DLC1: variants seen among roughly 807,000 people sequenced by gnomAD.
The protein encoded by DLC1 is rho GTPase-activating protein 7.
Under a neutral mutation model 140.3 loss-of-function variants are expected in DLC1, and 54 were observed. The observed-to-expected ratio is 0.38, with a 90% CI of 0.31 to 0.48. DLC1 has a LOEUF of 0.48. Ranked by LOEUF, DLC1 falls within the 20% of genes least tolerant of loss-of-function variation. DLC1 has a pLI of 0.96. For missense variants in DLC1, 2,536 were observed against 1,907.0 expected (o/e 1.33, Z -6.14); for synonymous variants, 986 against 728.1 (o/e 1.35, Z -5.70).
At chr8:13,160,875 C>T (rs1164180012) in intron 5 of DLC1, among the ~76,000 whole-genome samples, 1 of 152,160 alleles carries the variant, frequency 6.6e-6, no homozygotes, top group Non-Finnish European at 1.5e-5. Flanking sequence ...CACGAGGTCT[C>T]AGGAGATTGA....
At chr8:13,558,570 T>G (rs1372765533) in intron 1 of DLC1, 1 of 152,232 alleles carries the variant, frequency 6.6e-6, no homozygotes, top group African/African-American at 2.4e-5. Flanking sequence ...TCACTATGTA[T>G]TGTTCTTTAG....
At chr8:13,252,787 C>T (rs1182056663) in intron 5 of DLC1, among the ~76,000 whole-genome samples, 5 of 152,146 alleles carry the variant, frequency 3.3e-5, no homozygotes, top group African/African-American at 9.7e-5. Context: ...TTCCATTACA[C>T]GTGCCCTCTT....
intron 5 of DLC1, among the ~76,000 whole-genome samples, chr8:13,158,231 T>A (rs1048631419): frequency 2.6e-5 from 4 of 152,242 alleles, no homozygotes; most frequent in African/African-American, 9.6e-5. Context: ...TAATTGTGTG[T>A]CTGACTTTTG....
chr8:13,289,729 T>A (rs1009895452), intron 5 of DLC1, among the ~76,000 whole-genome samples: 2 of 152,226 alleles, frequency 1.3e-5, no homozygotes, highest in Non-Finnish European at 2.9e-5. Flanking sequence ...TATACAACGC[T>A]AGAGAATTTT....
chr8:13,532,403 C>G (rs1803128875), intron 1 of DLC1, among the ~76,000 whole-genome samples: 1 of 152,206 alleles, frequency 6.6e-6, no homozygotes, highest in African/African-American at 2.4e-5. Flanking sequence ...AGAATAAGAA[C>G]ATGAATGGCA....
At position 13,499,407 on chromosome 8, in the gene DLC1, T is replaced by A; in HGVS notation, c.665A>T (p.Glu222Val). Reference sequence around the variant, plus strand: ...TACAGCAGAGTTAAGCAATTGTTTCTCAGGTGCAATATCTTTCACGTTCAA... The same window carrying A: ...TACAGCAGAGTTAAGCAATTGTTTCACAGGTGCAATATCTTTCACGTTCAA... ...DTLNVKDIAPEKQLLNSAVIA... is the reference protein window; with the variant it reads ...DTLNVKDIAPVKQLLNSAVIA... Residue 222 changes from glutamate to valine, a missense_variant, in exon 2 of 18, where the codon GAG becomes GTG. Glu to Val is a moderately radical substitution (Grantham distance 121). Coordinates refer to ENST00000276297, the MANE Select transcript of DLC1 (RefSeq NM_182643.3). 6.2e-7 allele frequency: 1 copy of A among 1,613,832 alleles called. No individual in the cohort carries two copies.
In DLC1 at chr8:13,471,815, A is replaced by G. The variant is rs537430544; in HGVS notation, c.1023+27234T>C. 3.9e-5 allele frequency among the ~76,000 whole-genome samples: 6 copies of G among 152,258 alleles called. No homozygotes were observed. In the South Asian group the frequency reaches 1.0e-3, roughly 26 times the overall value. On this transcript the variant is annotated intron_variant, in intron 2 of 17. Coordinates refer to ENST00000276297, the MANE Select transcript of DLC1 (RefSeq NM_182643.3). ...CCTGGAATGCTTCCTGGCAAATCCT[A>G]TCTCACTCCCTTCCACCCCCACGCT...
chr8:13,101,788 C>A (rs1327315538), intron 8 of DLC1, among the ~76,000 whole-genome samples: 2 of 152,208 alleles, frequency 1.3e-5, no homozygotes, highest in African/African-American at 4.8e-5. Flanking sequence ...TTCATAAACA[C>A]TAAGGAACGT....
chr8:13,487,432 A>T (rs1465395366), intron 2 of DLC1, among the ~76,000 whole-genome samples: 1 of 152,192 alleles, frequency 6.6e-6, no homozygotes, highest in Non-Finnish European at 1.5e-5. Context: ...AATGGTAAAA[A>T]TTAAGACTTA....
intron 5 of DLC1, among the ~76,000 whole-genome samples, chr8:13,186,485 G>A (rs1324051247): frequency 6.6e-6 from 1 of 152,076 alleles, no homozygotes; most frequent in Non-Finnish European, 1.5e-5. Context: ...TCATGCCATG[G>A]TTTTCAGCTC....
chr8:13,264,320 A>G (rs1276209012), intron 5 of DLC1, among the ~76,000 whole-genome samples: 2 of 151,892 alleles, frequency 1.3e-5, no homozygotes, highest in African/African-American at 2.4e-5. Context: ...TCATCCACCT[A>G]CCTCGGCCTC....
chr8:13,169,899 C>G (rs1359554938), intron 5 of DLC1, among the ~76,000 whole-genome samples: 1 of 150,820 alleles, frequency 6.6e-6, no homozygotes, highest in Non-Finnish European at 1.5e-5. Context: ...GCCTGTAGTT[C>G]CAGTTAGCTA....
At chr8:13,402,708 G>C (rs1485733575) in intron 2 of DLC1, among the ~76,000 whole-genome samples, 2 of 152,168 alleles carry the variant, frequency 1.3e-5, no homozygotes, top group African/African-American at 4.8e-5. Flanking sequence ...CAGATTGAGG[G>C]TTCACTTTGG....
chr8:13,289,549 T>C (rs896560287), intron 5 of DLC1, among the ~76,000 whole-genome samples: 1 of 152,174 alleles, frequency 6.6e-6, no homozygotes, highest in Non-Finnish European at 1.5e-5. Context: ...CAGGCTGGCT[T>C]TGAACTCCTG....
chr8:13,587,077 TAC>T (rs3066501), intron 1 of DLC1, among the ~76,000 whole-genome samples: 4,753 of 142,820 alleles, frequency 0.033, 107 homozygotes, highest in African/African-American at 0.07. Flanking sequence ...GAAAATAGTT[TAC>T]ACACACACAC....
chr8:13,540,752 C>G (rs548408067), intron 1 of DLC1, among the ~76,000 whole-genome samples: 10 of 152,302 alleles, frequency 6.6e-5, no homozygotes, highest in Admixed American at 6.5e-4. Flanking sequence ...TCACTGAAGC[C>G]TTCGACATGG....
intron 15 of DLC1, 88 bp downstream of exon 15, chr8:13,090,163 AC>A: frequency 7.8e-7 from 1 of 1,274,628 alleles, no homozygotes; most frequent in Non-Finnish European, 1.1e-6. Flanking sequence ...AGATCCCCAG[AC>A]AGATTAGTTG....
chr8:13,429,532 G>A (rs1838764009), intron 2 of DLC1, among the ~76,000 whole-genome samples: 2 of 151,928 alleles, frequency 1.3e-5, no homozygotes, highest in African/African-American at 4.8e-5. Flanking sequence ...AAGCTTAGAT[G>A]TACAGCTACT....
At chr8:13,134,630 G>T (rs1335981748) in intron 5 of DLC1, among the ~76,000 whole-genome samples, 2 of 152,110 alleles carry the variant, frequency 1.3e-5, no homozygotes, top group African/African-American at 4.8e-5. Context: ...ACATACAGAA[G>T]ACTCTTCTCC....
Sources: allele counts gnomAD v4.1 joint callset (sites outside exome capture counted in the v4.1 genomes callset), GRCh38; gene constraint gnomAD v4.1.1; transcripts MANE v1.5; gene names NCBI Gene and HGNC (gene_info 2026-07-23, HGNC 2026-07-21).